The following PCDHGA9 variants were observed in gnomAD, a reference collection of about 807,000 sequenced individuals.
The protein encoded by PCDHGA9 is protocadherin gamma subfamily A, 9, also known as protocadherin gamma-A9.
PCDHGA9 carries 37 observed loss-of-function variants against 62.5 expected under a neutral mutation model. The ratio of observed to expected loss-of-function variants is 0.59; its 90% confidence interval spans 0.46 to 0.78. The LOEUF is 0.78. Among genes scored for constraint, PCDHGA9 ranks in the 30% least tolerant of loss-of-function variants. PCDHGA9 has a pLI of 0.00. For missense variants in PCDHGA9, 1,138 were observed against 1,166.2 expected (o/e 0.98, Z 0.35); for synonymous variants, 459 against 484.6 (o/e 0.95, Z 0.69).
At chr5:141,427,693 C>G in intron 1 of PCDHGA9, 1 of 909,726 alleles carries the variant, frequency 1.1e-6, no homozygotes, top group Non-Finnish European at 1.8e-6. Flanking sequence ...GCCTCCATCC[C>G]ACAAGTCAGC....
intron 2 of PCDHGA9, among the ~76,000 whole-genome samples, chr5:141,497,487 T>TCTCTCTCTC (rs1223198472): frequency 1.3e-5 from 2 of 151,562 alleles, no homozygotes; most frequent in Non-Finnish European, 2.9e-5. Flanking sequence ...GCGGAACCTC[T>TCTCTCTCTC]CTCTCTCTCC....
chr5:141,415,750 T>G lies in PCDHGA9; in HGVS notation c.2424+10374T>G, dbSNP rs758016978. 309 of 1,313,170 alleles carry G rather than the reference T, an allele frequency of 2.4e-4. No individual in the cohort carries two copies. In the East Asian group the frequency reaches 2.9e-3, roughly 12 times the overall value. 81.3% of individuals were successfully genotyped at this position (1,313,170 alleles called of 1,614,324 possible). On this transcript the variant is annotated intron_variant, in intron 1 of 3. Coordinates refer to ENST00000573521, the MANE Select transcript of PCDHGA9 (RefSeq NM_018921.3). Reference sequence around the variant, plus strand: ...TTGATGTTTATTAAGGTTTTTTTTTTTTTTTTTTTTTTTTTTTTTTTTACT... The same window carrying G: ...TTGATGTTTATTAAGGTTTTTTTTTGTTTTTTTTTTTTTTTTTTTTTTACT...
chr5:141,451,521 TAAAGG>T (rs1187561043), intron 1 of PCDHGA9, among the ~76,000 whole-genome samples: 1 of 152,148 alleles, frequency 6.6e-6, no homozygotes, highest in Non-Finnish European at 1.5e-5. Context: ...TTAGAGCAAG[TAAAGG>T]AGAGTGCCAG....
intron 3 of PCDHGA9, among the ~76,000 whole-genome samples, chr5:141,508,986 G>C (rs1298630784): frequency 2.0e-5 from 3 of 152,148 alleles, no homozygotes; most frequent in Non-Finnish European, 4.4e-5. Context: ...GTGGGGGCCA[G>C]CTGGGGTAGG....
Position 141,404,530 on chromosome 5 carries a change from A to C in PCDHGA9, c.1578A>C (p.Arg526Ser). 1 of 1,614,008 alleles carries C rather than the reference A, an allele frequency of 6.2e-7. No homozygotes were observed. The highest frequency in any genetic ancestry group is 8.5e-7 in the Non-Finnish European group (1 of 1,179,860). The change falls in exon 1 of 4, where the codon AGA (arginine) becomes AGC (serine). Residue 526 changes from arginine to serine, a missense_variant. By Grantham distance (110) the Arg-to-Ser change is moderately radical (BLOSUM62 -1). Transcript: ENST00000573521. ...ALCSFDYEQFRDLQMQVTASD... is the reference protein window; with the variant it reads ...ALCSFDYEQFSDLQMQVTASD... ...GCTCCTTTGACTATGAGCAGTTTAG[A>C]GATTTGCAAATGCAGGTGACGGCAA...
At chr5:141,441,775 A>G (rs1005757857) in intron 1 of PCDHGA9, 27 of 388,638 alleles carry the variant, frequency 6.9e-5, no homozygotes, top group Admixed American at 5.4e-4. Context: ...GTGTTGGTGG[A>G]CGACCTGAAT....
At chr5:141,422,345 A>G in intron 1 of PCDHGA9, 1 of 1,551,648 alleles carries the variant, frequency 6.4e-7, no homozygotes, top group South Asian at 1.3e-5. Context: ...CTAAATGTGC[A>G]AGATCAAGAT....
intron 3 of PCDHGA9, among the ~76,000 whole-genome samples, chr5:141,506,866 T>C (rs1182560001): frequency 2.6e-5 from 4 of 152,104 alleles, no homozygotes; most frequent in Admixed American, 2.6e-4. Context: ...GACTGGTGGG[T>C]AGAGAACCAG....
At chr5:141,450,653 A>AT (rs2098689237) in intron 1 of PCDHGA9, among the ~76,000 whole-genome samples, 1 of 151,192 alleles carries the variant, frequency 6.6e-6, no homozygotes, top group Non-Finnish European at 1.5e-5. Context: ...TGCCTGGCTA[A>AT]TTTTTGTACT....
At chr5:141,418,935 A>T (rs1424307952) in intron 1 of PCDHGA9, 2 of 1,613,834 alleles carry the variant, frequency 1.2e-6, no homozygotes, top group Admixed American at 3.3e-5. Context: ...ATTATGGAGG[A>T]TTCCCCTCCA....
chr5:141,415,772 T>TC, intron 1 of PCDHGA9: 1 of 1,332,986 alleles, frequency 7.5e-7, no homozygotes. Context: ...TTTTTTTTTT[T>TC]ACTTTCTGGT....
At chr5:141,454,796 ATTTTTTTTTTTT>A (rs61612330) in intron 1 of PCDHGA9, among the ~76,000 whole-genome samples, 76 of 77,462 alleles carry the variant, frequency 9.8e-4, no homozygotes, top group African/African-American at 3.9e-3. Flanking sequence ...CATGGTTCTA[ATTTTTTTTTTTT>A]TTTTTTTTTT....
intron 1 of PCDHGA9, chr5:141,413,089 C>T: frequency 7.1e-7 from 1 of 1,401,124 alleles, no homozygotes; most frequent in Non-Finnish European, 9.7e-7. Context: ...TACAGAGACA[C>T]CCTGAAGCCA....
intron 1 of PCDHGA9, among the ~76,000 whole-genome samples, chr5:141,435,157 A>G (rs1387976305): frequency 6.6e-6 from 1 of 152,176 alleles, no homozygotes; most frequent in Non-Finnish European, 1.5e-5. Context: ...AAACTTTTGT[A>G]AATAGAGTGG....
intron 1 of PCDHGA9, chr5:141,410,195 G>A (rs769655902): frequency 1.1e-5 from 18 of 1,613,966 alleles, no homozygotes; most frequent in Non-Finnish European, 1.0e-5. Context: ...TCTGGTCTTC[G>A]CAGACAACTT....
intron 1 of PCDHGA9, among the ~76,000 whole-genome samples, chr5:141,407,336 G>A (rs1005803062): frequency 6.6e-6 from 1 of 152,240 alleles, no homozygotes; most frequent in Admixed American, 6.5e-5. Flanking sequence ...ATATTGAAAT[G>A]TATGTTAATT....
At position 141,486,027 on chromosome 5, in the gene PCDHGA9, C is replaced by A. The variant is rs2099623152; in HGVS notation, c.2425-8780C>A. 2 of 1,614,048 alleles carry A rather than the reference C, an allele frequency of 1.2e-6. No individual in the cohort carries two copies. Among genetic ancestry groups the A allele is most frequent in the African/African-American group, 2.7e-5 (2 of 74,912 alleles). On this transcript the variant is annotated intron_variant, in intron 1 of 3. Coordinates refer to ENST00000573521, the MANE Select transcript of PCDHGA9 (RefSeq NM_018921.3). The surrounding 1 kb of genome is among the most constrained non-coding windows in gnomAD (Gnocchi z 5.0). ...GTCACCTTTTATTTCAGTGGTCATA[C>A]CCCTGATCGTGTAAGAAACCTCTTT...
intron 1 of PCDHGA9, among the ~76,000 whole-genome samples, chr5:141,460,684 T>C (rs1417815686): frequency 6.6e-6 from 1 of 152,074 alleles, no homozygotes; most frequent in Non-Finnish European, 1.5e-5. Context: ...TATCTATATA[T>C]CCACCAACAG....
At position 141,423,758 on chromosome 5, in the gene PCDHGA9, G is replaced by GC. The variant is rs1554116873; in HGVS notation, c.2424+18382_2424+18383insC. 1.7e-4 allele frequency: 62 copies of GC among 366,836 alleles called. 2 individuals are homozygous for GC. The highest frequency in any genetic ancestry group is 4.2e-4 in the Middle Eastern group (1 of 2,358). The allele number at this position is 366,836 out of a possible 1,614,324, so 22.7% of individuals were successfully genotyped here. Reference sequence around the variant, plus strand: ...CTGTTATGAAAACTGTTTGGGGGGGGGGTGGGGCGGCATATATTTAGTTCA... The same window carrying GC: ...CTGTTATGAAAACTGTTTGGGGGGGGCGGTGGGGCGGCATATATTTAGTTCA... On this transcript the variant is annotated intron_variant, in intron 1 of 3. Coordinates refer to ENST00000573521, the MANE Select transcript of PCDHGA9 (RefSeq NM_018921.3).
Sources: allele counts gnomAD v4.1 joint callset (sites outside exome capture counted in the v4.1 genomes callset), GRCh38; gene constraint gnomAD v4.1.1; non-coding constraint Gnocchi (gnomAD v3.1); transcripts MANE v1.5; gene names NCBI Gene and HGNC (gene_info 2026-07-23, HGNC 2026-07-21).